Variants in PLCL2 observed in about 807,000 individuals in gnomAD.
PLCL2 encodes the protein phospholipase C like 2.
In PLCL2, 4 loss-of-function variants were observed where a neutral mutation model predicts 79.6. The observed-to-expected ratio is 0.05, with a 90% confidence interval of 0.02 to 0.11. The LOEUF is 0.11. PLCL2 is among the 10% of genes least tolerant of loss of function. The pLI is 1.00. For missense variants in PLCL2, 895 were observed against 1,291.0 expected, an observed-to-expected ratio of 0.69 and a Z score of 4.70; for synonymous variants, 484 against 457.7, an observed-to-expected ratio of 1.06 and a Z score of -0.73.
intron 4 of PLCL2, among the ~76,000 whole-genome samples, chr3:17,054,566 T>A (rs2064874769): frequency 6.6e-6 from 1 of 152,068 alleles, no homozygotes; most frequent in African/African-American, 2.4e-5. Flanking sequence ...CATCTTCACA[T>A]GGCCCAAGCA....
intron 1 of PLCL2, among the ~76,000 whole-genome samples, chr3:16,973,809 T>A (rs1383122212): frequency 6.6e-6 from 1 of 152,200 alleles, no homozygotes; most frequent in Non-Finnish European, 1.5e-5. Context: ...ATGATTTTGC[T>A]CTCAAGGAGC....
intron 1 of PLCL2, among the ~76,000 whole-genome samples, chr3:16,896,964 T>A (rs1056979620): frequency 1.3e-5 from 2 of 152,198 alleles, no homozygotes; most frequent in Non-Finnish European, 2.9e-5. Flanking sequence ...TAGCCAGGGT[T>A]AACAACAGCT....
intron 3 of PLCL2, among the ~76,000 whole-genome samples, chr3:17,033,812 A>AT (rs1272009930): frequency 6.6e-6 from 1 of 152,042 alleles, no homozygotes; most frequent in Non-Finnish European, 1.5e-5. Flanking sequence ...TTATTGTAGT[A>AT]TTTTTTCATT....
At chr3:16,922,333 T>A (rs1697141927) in intron 1 of PLCL2, among the ~76,000 whole-genome samples, 5 of 152,240 alleles carry the variant, frequency 3.3e-5, no homozygotes, top group Admixed American at 3.3e-4. Context: ...AGATTTAAAA[T>A]CACTTCATGC....
intron 1 of PLCL2, among the ~76,000 whole-genome samples, chr3:16,919,360 C>G (rs1255598602): frequency 6.6e-6 from 1 of 152,086 alleles, no homozygotes; most frequent in Non-Finnish European, 1.5e-5. Context: ...TTACAACCCA[C>G]TGCATATGTA....
intron 1 of PLCL2, among the ~76,000 whole-genome samples, chr3:16,975,592 T>C (rs1407530363): frequency 1.3e-5 from 2 of 152,088 alleles, no homozygotes; most frequent in African/African-American, 2.4e-5. Context: ...TTCTAGGTCA[T>C]GGTGATGCTC....
intron 3 of PLCL2, among the ~76,000 whole-genome samples, chr3:17,035,928 C>T (rs533518899): frequency 1.3e-5 from 2 of 152,062 alleles, no homozygotes; most frequent in Non-Finnish European, 2.9e-5. Context: ...TTTTATCAAG[C>T]GCATGTCAAG....
chr3:16,992,463 T>A (rs1240511032), intron 1 of PLCL2, among the ~76,000 whole-genome samples: 2 of 152,226 alleles, frequency 1.3e-5, no homozygotes, highest in African/African-American at 2.4e-5. Context: ...AACCCCCATT[T>A]GCATCTCTTC....
Position 17,090,253 on chromosome 3 carries a change from T to A in PLCL2, c.*341T>A. ...ACAATTTCTTAAGATGGAAATGGAT[T>A]GGATTGTCAAATTATTATTTATTGG... On this transcript the variant is annotated 3_prime_UTR_variant, in exon 6 of 6. Coordinates refer to ENST00000615277, the MANE Select transcript of PLCL2 (RefSeq NM_001144382.2). 1.0e-6 allele frequency: 1 copy of A among 992,904 alleles called. No homozygotes were observed. The highest frequency in any genetic ancestry group is 1.2e-6 in the Non-Finnish European group (1 of 833,068). The allele number at this position is 992,904 out of a possible 1,614,324, so 61.5% of individuals were successfully genotyped here.
chr3:17,034,539 A>G (rs937763519), intron 3 of PLCL2, among the ~76,000 whole-genome samples: 2 of 152,180 alleles, frequency 1.3e-5, no homozygotes, highest in African/African-American at 4.8e-5. Context: ...TGTTGATTTA[A>G]TACACCACCA....
intron 1 of PLCL2, among the ~76,000 whole-genome samples, chr3:17,008,806 C>G (rs2064290083): frequency 6.6e-6 from 1 of 152,090 alleles, no homozygotes; most frequent in Non-Finnish European, 1.5e-5. Flanking sequence ...TCTCTGGGCT[C>G]TGAAAATTGT....
At chr3:17,027,041 G>A (rs1375366930) in intron 3 of PLCL2, among the ~76,000 whole-genome samples, 4 of 152,032 alleles carry the variant, frequency 2.6e-5, no homozygotes, top group Non-Finnish European at 5.9e-5. Context: ...ATTGTTAAAC[G>A]TTAGAATTCT....
intron 1 of PLCL2, among the ~76,000 whole-genome samples, chr3:16,932,460 C>G (rs1559489701): frequency 6.6e-6 from 1 of 152,154 alleles, no homozygotes. Flanking sequence ...ATATTGAATT[C>G]AGGGTGTACT....
chr3:16,902,442 A>G (rs1380597603), intron 1 of PLCL2, among the ~76,000 whole-genome samples: 4 of 152,208 alleles, frequency 2.6e-5, no homozygotes, highest in African/African-American at 9.7e-5. Flanking sequence ...ACATGCTGCT[A>G]TTAAAATTAA....
At chr3:16,938,321 CT>C (rs1697592961) in intron 1 of PLCL2, among the ~76,000 whole-genome samples, 2 of 152,200 alleles carry the variant, frequency 1.3e-5, no homozygotes, top group African/African-American at 4.8e-5. Flanking sequence ...GAATTACCAG[CT>C]TCCAATGATC....
chr3:17,001,563 T>C (rs891547684), intron 1 of PLCL2, among the ~76,000 whole-genome samples: 2 of 152,136 alleles, frequency 1.3e-5, no homozygotes, highest in African/African-American at 4.8e-5. Flanking sequence ...GTTTTATTCT[T>C]TGCATATGGA....
intron 4 of PLCL2, among the ~76,000 whole-genome samples, chr3:17,065,840 C>T (rs192125752): frequency 3.5e-4 from 54 of 152,264 alleles, no homozygotes; most frequent in African/African-American, 1.2e-3. Flanking sequence ...AGAGCTACCC[C>T]CTCCCTCCCA....
intron 1 of PLCL2, among the ~76,000 whole-genome samples, chr3:16,930,501 A>C (rs1697367199): frequency 6.6e-6 from 1 of 152,234 alleles, no homozygotes; most frequent in African/African-American, 2.4e-5. Flanking sequence ...TGTTTTGATC[A>C]GAACTGCTAT....
chr3:16,940,849 AG>A (rs1465260595), intron 1 of PLCL2, among the ~76,000 whole-genome samples: 16 of 152,224 alleles, frequency 1.1e-4, no homozygotes, highest in African/African-American at 3.6e-4. Flanking sequence ...CAATGCATTT[AG>A]CGTGGTGCCA....
Sources: allele counts gnomAD v4.1 joint callset (sites outside exome capture counted in the v4.1 genomes callset), GRCh38; gene constraint gnomAD v4.1.1; transcripts MANE v1.5; gene names NCBI Gene and HGNC (gene_info 2026-07-23, HGNC 2026-07-21).